SLC4A10: variants seen among roughly 807,000 people sequenced by gnomAD.
SLC4A10 encodes the protein solute carrier family 4 member 10, also known as sodium-driven chloride bicarbonate exchanger.
SLC4A10 carries 42 observed loss-of-function variants against 137.7 expected under a neutral mutation model. That is an observed-to-expected ratio of 0.30 (90% CI 0.24 to 0.39). The LOEUF (loss-of-function observed/expected upper bound fraction) is 0.39, where lower values mean the gene tolerates loss of function less well. SLC4A10 is among the 10% of genes least tolerant of loss of function. The pLI is 1.00. For synonymous variants in SLC4A10, 474 were observed against 464.1 expected, an observed-to-expected ratio of 1.02 and a Z score of -0.27; for missense variants, 925 against 1,355.0, an observed-to-expected ratio of 0.68 and a Z score of 4.98.
intron 1 of SLC4A10, among the ~76,000 whole-genome samples, chr2:161,733,052 A>C (rs1320841250): frequency 6.6e-6 from 1 of 152,224 alleles, no homozygotes; most frequent in African/African-American, 2.4e-5. Context: ...AGAGCATAAA[A>C]GTTTCAAAAT....
intron 21 of SLC4A10, among the ~76,000 whole-genome samples, chr2:161,961,430 G>A (rs1025208095): frequency 4.6e-5 from 7 of 152,020 alleles, no homozygotes; most frequent in African/African-American, 1.7e-4. Context: ...ACTCAAATTA[G>A]ATTTAATTTG....
At chr2:161,885,297 G>A (rs1419622654) in intron 10 of SLC4A10, among the ~76,000 whole-genome samples, 2 of 152,106 alleles carry the variant, frequency 1.3e-5, no homozygotes, top group Non-Finnish European at 2.9e-5. Flanking sequence ...AAAAAAAATA[G>A]TGCATTGGAG....
chr2:161,920,710 C>T (rs758336819), intron 15 of SLC4A10, among the ~76,000 whole-genome samples: 1 of 152,130 alleles, frequency 6.6e-6, no homozygotes, highest in Non-Finnish European at 1.5e-5. Context: ...TTCCATGTAA[C>T]AAAATTTATT....
At chr2:161,689,012 TA>T (rs1313832517) in intron 1 of SLC4A10, among the ~76,000 whole-genome samples, 2 of 152,058 alleles carry the variant, frequency 1.3e-5, no homozygotes, top group Admixed American at 1.3e-4. Flanking sequence ...CAAAAATTTT[TA>T]AAAATAGATA....
rs1574880651 is a variant in SLC4A10 at position 161,771,008 on chromosome 2, A to T, written c.84A>T (p.Gly28=). 6.2e-7 allele frequency: 1 copy of T among 1,606,370 alleles called. No individual in the cohort carries two copies. Among genetic ancestry groups the T allele is most frequent in the African/African-American group, 1.3e-5 (1 of 74,702 alleles). The change falls in exon 2 of 27, where the codon GGA becomes GGT. Residue 28 remains glycine (G), a synonymous_variant. Coordinates refer to ENST00000446997, the MANE Select transcript of SLC4A10 (RefSeq NM_001178015.2). ...AAGAAGCAGTTGTGGATAGAGGTGG[A>T]ACTCGTTCTATTCTCAAAACACACT... ...NDEEAVVDRG[G]TRSILKTHFE...
chr2:161,912,818 C>T (rs913419186), intron 15 of SLC4A10, among the ~76,000 whole-genome samples: 3 of 152,076 alleles, frequency 2.0e-5, no homozygotes, highest in Non-Finnish European at 4.4e-5. Context: ...TTGACTGTGG[C>T]CTCTCTAGTT....
At chr2:161,674,317 G>C (rs79973735) in intron 1 of SLC4A10, among the ~76,000 whole-genome samples, 136 of 152,304 alleles carry the variant, frequency 8.9e-4, no homozygotes, top group African/African-American at 3.0e-3. Context: ...GCATTGTGAA[G>C]TAGCATTGGT....
intron 9 of SLC4A10, among the ~76,000 whole-genome samples, chr2:161,881,704 T>G (rs1473999957): frequency 1.3e-5 from 2 of 152,060 alleles, no homozygotes; most frequent in Non-Finnish European, 2.9e-5. Flanking sequence ...GAGTATCTAT[T>G]GATTTCTTTA....
At position 161,811,513 on chromosome 2, in the gene SLC4A10, T is replaced by C. The variant is rs75904579; in HGVS notation, c.277+6918T>C. On this transcript the variant is annotated intron_variant, in intron 3 of 26. Coordinates refer to ENST00000446997, the MANE Select transcript of SLC4A10 (RefSeq NM_001178015.2). The stretch of plus-strand genomic sequence containing the variant: ...CATTCAACAAGGCAGATTGTAACCA[T>C]TATGAAGTTATGACTCAAGGAGACC... Among the ~76,000 whole-genome samples the C allele has an allele frequency of 4.3e-3, 650 of 152,136 alleles. 5 individuals carry two copies. Among genetic ancestry groups the C allele is most frequent in the African/African-American group, 0.015 (620 of 41,562 alleles).
intron 9 of SLC4A10, 75 bp from the exon 10 acceptor site, chr2:161,882,282 A>G: frequency 1.3e-6 from 1 of 787,258 alleles, no homozygotes; most frequent in Non-Finnish European, 1.9e-6. Context: ...AATTCCTTTG[A>G]GATGAGTGAT....
Position 161,984,009 on chromosome 2 carries a change from A to G in SLC4A10, c.*857A>G, listed in dbSNP as rs1395431703. The G allele has an allele frequency of 6.6e-6, 1 of 152,216 alleles. No homozygotes were observed. Among genetic ancestry groups the G allele is most frequent in the African/African-American group, 2.4e-5 (1 of 41,460 alleles). The allele number at this position is 152,216 out of a possible 1,614,324, so 9.4% of individuals were successfully genotyped here. ...ACTAAGTTTGTCTCCCACTGACAACAGATGTTTTCCAAATAAACATATTCT... is the reference window on the plus strand; with the variant it reads ...ACTAAGTTTGTCTCCCACTGACAACGGATGTTTTCCAAATAAACATATTCT... On this transcript the variant is annotated 3_prime_UTR_variant, in exon 27 of 27. Transcript: ENST00000446997.
At chr2:161,815,711 A>G (rs2056992007) in intron 3 of SLC4A10, among the ~76,000 whole-genome samples, 1 of 152,168 alleles carries the variant, frequency 6.6e-6, no homozygotes, top group Non-Finnish European at 1.5e-5. Flanking sequence ...GTGTTTCCCT[A>G]GGCACTGGTA....
chr2:161,677,815 G>A (rs2040429536), intron 1 of SLC4A10, among the ~76,000 whole-genome samples: 1 of 152,192 alleles, frequency 6.6e-6, no homozygotes, highest in Non-Finnish European at 1.5e-5. Flanking sequence ...GAATGACACA[G>A]TCAGAAATGA....
intron 3 of SLC4A10, among the ~76,000 whole-genome samples, chr2:161,820,133 G>A (rs1390532709): frequency 6.6e-6 from 1 of 152,102 alleles, no homozygotes; most frequent in Non-Finnish European, 1.5e-5. Context: ...ACACAGTCCT[G>A]GAATTATAAT....
In SLC4A10 at chr2:161,726,490, G is replaced by A. The variant is rs371893067; in HGVS notation, c.49-44483G>A. Among the ~76,000 whole-genome samples the A allele has an allele frequency of 3.8e-4, 58 of 152,260 alleles. 1 individual carries two copies. The highest frequency in any genetic ancestry group is 1.4e-3 in the African/African-American group (57 of 41,566). On this transcript the variant is annotated intron_variant, in intron 1 of 26. Coordinates refer to ENST00000446997, the MANE Select transcript of SLC4A10 (RefSeq NM_001178015.2). ...ATTGACGAAATTTTGTAAGCAGAAA[G>A]GCAGAATGAAAATGTTAAGTGTCTT...
rs754880370 is a variant in SLC4A10, at chr2:161,855,086, C to G, written c.533C>G (p.Thr178Ser). ...TTGAGAAGTTGTATTCTGAATGGAACTGTGTTGCTGGACATGCATGCCAAC... is the reference window on the plus strand; with the variant it reads ...TTGAGAAGTTGTATTCTGAATGGAAGTGTGTTGCTGGACATGCATGCCAAC... ...FELRSCILNG[T>S]VLLDMHANTL... Residue 178 changes from threonine to serine, a missense_variant, in exon 5 of 27, where the codon ACT (threonine) becomes AGT (serine). Thr to Ser is a moderately conservative substitution (Grantham distance 58, BLOSUM62 1). Coordinates refer to ENST00000446997, the MANE Select transcript of SLC4A10 (RefSeq NM_001178015.2). The G allele has an allele frequency of 9.2e-5, 149 of 1,612,106 alleles. No individual in the cohort carries two copies. The highest frequency in any genetic ancestry group is 1.3e-4 in the Non-Finnish European group (148 of 1,178,990).
At chr2:161,738,779 G>A (rs2047595395) in intron 1 of SLC4A10, among the ~76,000 whole-genome samples, 1 of 152,002 alleles carries the variant, frequency 6.6e-6, no homozygotes, top group Non-Finnish European at 1.5e-5. Context: ...CTTTGGAGAG[G>A]ACATTAGGTT....
chr2:161,872,557 CAA>C (rs5835886), intron 7 of SLC4A10, among the ~76,000 whole-genome samples, 173 bp downstream of exon 7: 11,490 of 128,952 alleles, frequency 0.089, 462 homozygotes, highest in East Asian at 0.15. Flanking sequence ...TTTGCCTATT[CAA>C]AAAAAAAAAA....
At chr2:161,921,090 C>T (rs570173883) in intron 15 of SLC4A10, among the ~76,000 whole-genome samples, 135 of 152,260 alleles carry the variant, frequency 8.9e-4, no homozygotes, top group South Asian at 1.5e-3. Context: ...TGTATAATGG[C>T]CTAAGAGAAG....
Sources: allele counts gnomAD v4.1 joint callset (sites outside exome capture counted in the v4.1 genomes callset), GRCh38; gene constraint gnomAD v4.1.1; transcripts MANE v1.5; gene names NCBI Gene and HGNC (gene_info 2026-07-23, HGNC 2026-07-21).